The following GNAI1 variants were observed in gnomAD, a reference collection of about 807,000 sequenced individuals.
GNAI1 encodes G protein subunit alpha i1, also known as guanine nucleotide-binding protein G(i) subunit alpha-1.
In GNAI1, 11 loss-of-function variants were observed where a neutral mutation model predicts 38.9. That is an observed-to-expected ratio of 0.28 (90% CI 0.18 to 0.47). The LOEUF is 0.47. GNAI1 is among the 20% of genes least tolerant of loss of function. The pLI, the probability that GNAI1 is intolerant of heterozygous loss-of-function variation, is 0.99. For missense variants in GNAI1, 317 were observed against 436.9 expected, an observed-to-expected ratio of 0.73 and a Z score of 2.45; for synonymous variants, 166 against 145.1, an observed-to-expected ratio of 1.14 and a Z score of -1.04.
At chr7:80,200,724 C>T (rs766144296) in intron 4 of GNAI1, among the ~76,000 whole-genome samples, 1 of 152,158 alleles carries the variant, frequency 6.6e-6, no homozygotes, top group African/African-American at 2.4e-5. Flanking sequence ...CCACATCAAT[C>T]TTTATAACCC....
intron 6 of GNAI1, among the ~76,000 whole-genome samples, chr7:80,212,333 G>T (rs55679802): frequency 0.29 from 43,612 of 151,682 alleles, 7,351 homozygotes; most frequent in African/African-American, 0.47. Flanking sequence ...TTCAATTTAA[G>T]TTATTAATCT....
At chr7:80,187,877 C>G (rs1376666328) in intron 1 of GNAI1, among the ~76,000 whole-genome samples, 1 of 152,072 alleles carries the variant, frequency 6.6e-6, no homozygotes, top group African/African-American at 2.4e-5. Context: ...ATAAAGATAG[C>G]AGCTATTGTT....
chr7:80,205,273 A>G (rs754786176), intron 5 of GNAI1, among the ~76,000 whole-genome samples: 1 of 152,148 alleles, frequency 6.6e-6, no homozygotes, highest in Non-Finnish European at 1.5e-5. Flanking sequence ...GTAGACTTAC[A>G]GGGATTTTGT....
Position 80,202,094 on chromosome 7 carries a change from G to C in GNAI1, c.462-1610G>C, listed in dbSNP as rs140700715. On this transcript the variant is annotated intron_variant, in intron 4 of 7. Coordinates refer to ENST00000649796, the MANE Select transcript of GNAI1 (RefSeq NM_002069.6). ...AGTTTTTTTGTTGTTGTTGTTTCTG[G>C]TTTTTTTGTTTTTTGAGATGGAGTC... Among the ~76,000 whole-genome samples the C allele has an allele frequency of 6.9e-4, 104 of 151,824 alleles. 2 individuals are homozygous for C. The highest frequency in any genetic ancestry group is 2.4e-3 in the African/African-American group (101 of 41,420).
chr7:80,169,378 C>A (rs992037421), intron 1 of GNAI1, among the ~76,000 whole-genome samples: 7 of 152,172 alleles, frequency 4.6e-5, no homozygotes, highest in African/African-American at 1.7e-4. Flanking sequence ...AGACATGTAT[C>A]ATTTTCTCAT....
Position 80,220,387 on chromosome 7 carries a change from C to G in GNAI1, c.*2894C>G, listed in dbSNP as rs1046664873. 3.3e-5 allele frequency among the ~76,000 whole-genome samples: 5 copies of G among 152,130 alleles called. No homozygotes were observed. In the South Asian group the frequency reaches 8.3e-4, roughly 25 times the overall value. On this transcript the variant is annotated 3_prime_UTR_variant, in exon 8 of 8. Transcript: ENST00000649796. ...GGCACTTTTAAATTTGTTTGTGATA[C>G]CTCTTTTAGACTCCTCTGGCATCTG...
intron 3 of GNAI1, among the ~76,000 whole-genome samples, chr7:80,196,485 A>G (rs1435410349): frequency 2.6e-5 from 4 of 151,872 alleles, no homozygotes; most frequent in African/African-American, 7.2e-5. Flanking sequence ...CTTTCTCACA[A>G]ATTTTGCAAA....
At chr7:80,147,289 G>A (rs1053385484) in intron 1 of GNAI1, among the ~76,000 whole-genome samples, 3 of 151,730 alleles carry the variant, frequency 2.0e-5, no homozygotes, top group Non-Finnish European at 2.9e-5. Context: ...ATGTGATAGG[G>A]TTTGGAGATG....
intron 3 of GNAI1, among the ~76,000 whole-genome samples, chr7:80,198,927 G>A (rs554612205): frequency 6.6e-6 from 1 of 152,284 alleles, no homozygotes; most frequent in South Asian, 2.1e-4. Flanking sequence ...CAAACTGTCA[G>A]TGGATAATTG....
At chr7:80,141,338 T>C (rs1787521687) in intron 1 of GNAI1, among the ~76,000 whole-genome samples, 1 of 152,156 alleles carries the variant, frequency 6.6e-6, no homozygotes, top group African/African-American at 2.4e-5. Context: ...AACTCAGGAA[T>C]AGGTGAGATT....
intron 1 of GNAI1, among the ~76,000 whole-genome samples, chr7:80,167,838 C>G (rs948419911): frequency 6.6e-6 from 1 of 152,126 alleles, no homozygotes; most frequent in Non-Finnish European, 1.5e-5. Flanking sequence ...TGGAAAAAGT[C>G]AACACATATC....
intron 1 of GNAI1, among the ~76,000 whole-genome samples, chr7:80,188,657 C>G (rs75113104): frequency 6.6e-6 from 1 of 152,200 alleles, no homozygotes; most frequent in Non-Finnish European, 1.5e-5. Context: ...ACCTGTTTGT[C>G]CCCTGTGGCT....
At chr7:80,198,603 A>G (rs181621728) in intron 3 of GNAI1, among the ~76,000 whole-genome samples, 1 of 152,090 alleles carries the variant, frequency 6.6e-6, no homozygotes, top group Non-Finnish European at 1.5e-5. Flanking sequence ...TTTGTTTTCT[A>G]TGCCTGGATT....
rs1183749794 is a variant in GNAI1, at chr7:80,135,355, A to T, written c.118+77A>T. 1.1e-4 allele frequency: 97 copies of T among 860,636 alleles called. 1 individual carries two copies. The highest frequency in any genetic ancestry group is 1.5e-4 in the Non-Finnish European group (91 of 619,924). 53.3% of individuals were successfully genotyped at this position (860,636 alleles called of 1,614,324 possible). A position where few individuals can be genotyped will look rare whatever the true frequency, so the allele number is the denominator to read the frequency against. On this transcript the variant is annotated intron_variant, in intron 1 of 7. Coordinates refer to ENST00000649796, the MANE Select transcript of GNAI1 (RefSeq NM_002069.6). ...GCTGCGCGGCCCTCGGCGTTTGGAA[A>T]CCCGGAGGGAAGGGGGAGGAAGCGC...
chr7:80,145,953 T>C (rs776118467), intron 1 of GNAI1, among the ~76,000 whole-genome samples: 16 of 152,252 alleles, frequency 1.1e-4, no homozygotes, highest in Non-Finnish European at 2.1e-4. Context: ...TTCGAGTGCT[T>C]TGCCTTCTCT....
At chr7:80,168,410 C>CA (rs1454363214) in intron 1 of GNAI1, among the ~76,000 whole-genome samples, 1 of 152,002 alleles carries the variant, frequency 6.6e-6, no homozygotes, top group Admixed American at 6.6e-5. Flanking sequence ...ATTTTTGAGA[C>CA]AGAGTCTCAC....
chr7:80,160,268 A>T (rs868565883), intron 1 of GNAI1, among the ~76,000 whole-genome samples: 1 of 151,832 alleles, frequency 6.6e-6, no homozygotes, highest in Non-Finnish European at 1.5e-5. Flanking sequence ...AAAACATTCC[A>T]TGGAGCCCAG....
chr7:80,212,625 T>C lies in GNAI1; in HGVS notation c.721-91T>C, dbSNP rs528196192. 5.3e-5 allele frequency: 37 copies of C among 700,280 alleles called. No homozygotes were observed. The African/African-American group carries it at 6.0e-4, about 11-fold the overall frequency. 43.4% of individuals were successfully genotyped at this position (700,280 alleles called of 1,614,324 possible). Reference sequence around the variant, plus strand: ...GATACGTATTTTTCAATCACTAAACTCTGTTTTATTACAACACCTTTTATT... The same window carrying C: ...GATACGTATTTTTCAATCACTAAACCCTGTTTTATTACAACACCTTTTATT... On this transcript the variant is annotated intron_variant, in intron 6 of 7. Coordinates refer to ENST00000649796, the MANE Select transcript of GNAI1 (RefSeq NM_002069.6).
At chr7:80,194,749 A>G (rs1291218844) in intron 3 of GNAI1, among the ~76,000 whole-genome samples, 2 of 152,072 alleles carry the variant, frequency 1.3e-5, no homozygotes, top group Non-Finnish European at 2.9e-5. Context: ...CACATTTATC[A>G]TGTAATAAGT....
Sources: gnomAD v4.1 joint callset for allele counts (sites outside exome capture counted in the v4.1 genomes callset) on GRCh38, gnomAD v4.1.1 for gene constraint, MANE v1.5 for transcripts, NCBI Gene and HGNC (gene_info 2026-07-23, HGNC 2026-07-21) for gene names.